Variants in TPR observed in about 807,000 individuals in gnomAD.
TPR encodes the protein nucleoprotein TPR.
In TPR, 51 loss-of-function variants were observed where a neutral mutation model predicts 316.1. That is an observed-to-expected ratio of 0.16 (90% CI 0.13 to 0.20). The LOEUF (loss-of-function observed/expected upper bound fraction) is 0.20, where lower values mean the gene tolerates loss of function less well. TPR is among the 10% of genes least tolerant of loss of function. The probability of loss-of-function intolerance (pLI) is 1.00; values close to 1 mark genes in which losing one functional copy is unlikely to be tolerated. For missense variants in TPR, 2,272 were observed against 2,754.8 expected, an observed-to-expected ratio of 0.82 and a Z score of 3.92; for synonymous variants, 981 against 914.7, an observed-to-expected ratio of 1.07 and a Z score of -1.31.
Position 186,358,643 on chromosome 1 carries a change from T to G in TPR, c.1397A>C (p.Gln466Pro), listed in dbSNP as rs1659095790. The G allele has an allele frequency of 6.2e-7, 1 of 1,611,280 alleles. No individual in the cohort carries two copies. Among genetic ancestry groups the G allele is most frequent in the African/African-American group, 1.3e-5 (1 of 74,910 alleles). The change falls in exon 13 of 51, where the codon CAG becomes CCG. Residue 466 changes from glutamine (Q) to proline (P), a missense_variant. By Grantham distance (76) the Gln-to-Pro change is moderately conservative (BLOSUM62 -1). Transcript: ENST00000367478. ...VKLEQAMKEI[Q>P]RLQEDTDKAN... ...TTTATCAGTGTCCTCCTGCAATCGC[T>G]GAATCTCCTTTAAAATGTAAATTCA...
Position 186,336,621 on chromosome 1 carries a change from C to T in TPR, c.4580G>A (p.Arg1527Gln), listed in dbSNP as rs758344671. The T allele has an allele frequency of 1.2e-5, 19 of 1,613,702 alleles. No homozygotes were observed. The highest frequency in any genetic ancestry group is 2.2e-5 in the East Asian group (1 of 44,876). Residue 1527 changes from arginine to glutamine, a missense_variant, in exon 33 of 51, where the codon CGA (arginine) becomes CAA (glutamine). Around this residue, in one of 10 missense-constraint regions of TPR, gnomAD observed 101 missense variants for 113.0 expected, o/e 0.89. Transcript: ENST00000367478. ...TCTATCTTGAAGATCCTGACGAAGT[C>T]GTGAAAGTTCAGACTGAAGTTGCAC... ...QTVQLQSELS[R>Q]LRQDLQDRTT...
At chr1:186,332,764 C>T (rs975798805) in intron 37 of TPR, among the ~76,000 whole-genome samples, 2 of 151,966 alleles carry the variant, frequency 1.3e-5, no homozygotes, top group Non-Finnish European at 2.9e-5. Context: ...GTCTTTTAGT[C>T]CTCAGGACTT....
intron 12 of TPR, among the ~76,000 whole-genome samples, chr1:186,359,431 CTG>C (rs1659117884): frequency 6.6e-6 from 1 of 151,978 alleles, no homozygotes; most frequent in African/African-American, 2.4e-5. Context: ...GCTATTACAA[CTG>C]TCTGATAAAG....
chr1:186,349,650 ACT>A lies in TPR; in HGVS notation c.2776+571_2776+572del, dbSNP rs138251412. ...ACTCCAACCTGGGCAACAGTGCGAG[ACT>A]CTCTCTCAAAAAAAAAAAAAAAAAT... On this transcript the variant is annotated intron_variant, in intron 21 of 50. Transcript: ENST00000367478. Among the ~76,000 whole-genome samples, 5 of 148,238 alleles carry A rather than the reference ACT, an allele frequency of 3.4e-5. No homozygotes were observed. The East Asian group carries it at 7.8e-4, about 23-fold the overall frequency.
At chr1:186,366,602 C>G (rs1226917877) in intron 4 of TPR, among the ~76,000 whole-genome samples, 1 of 152,016 alleles carries the variant, frequency 6.6e-6, no homozygotes, top group South Asian at 2.1e-4. Context: ...CTTGTTTCTG[C>G]CATAGTTAAT....
Position 186,359,917 on chromosome 1 carries a change from T to C in TPR, c.1271A>G (p.Asp424Gly). Residue 424 changes from aspartate (D) to glycine (G), a missense_variant, in exon 12 of 51, where the codon GAT becomes GGT. Asp to Gly is a moderately conservative substitution (Grantham distance 94). Coordinates refer to ENST00000367478, the MANE Select transcript of TPR (RefSeq NM_003292.3). ...LENKRINKYL[D>G]EIVKEVEAKA... ...GGCTTCCACTTCTTTCACTATTTCA[T>C]CTAGGTACTTATTAATTCTTTTGTT... is the stretch of plus-strand genomic sequence containing the variant. 6.2e-7 allele frequency: 1 copy of C among 1,609,520 alleles called. No homozygotes were observed.
At chr1:186,350,141 G>T (rs1658816762) in intron 21 of TPR, 82 bp downstream of exon 21, 8 of 1,251,104 alleles carry the variant, frequency 6.4e-6, no homozygotes, top group Admixed American at 5.6e-5. Context: ...CAAAGAATTA[G>T]GCTATTTACT....
At position 186,352,111 on chromosome 1, in the gene TPR, C is replaced by A; in HGVS notation, c.2335-1G>T. On this transcript the variant is annotated splice_acceptor_variant, in intron 18 of 50. Transcript: ENST00000367478. LOFTEE classifies it high-confidence loss of function. ...CCTTCTTCAAATTTTCTGCTCTTAC[C>A]TAAACATAAGTAGAAATGAAATAAA... 6.3e-7 allele frequency: 1 copy of A among 1,589,826 alleles called. No homozygotes were observed. The highest frequency in any genetic ancestry group is 8.5e-7 in the Non-Finnish European group (1 of 1,172,444).
rs74134829 is a variant in TPR at position 186,336,359 on chromosome 1, C to T, written c.4705+137G>A. On this transcript the variant is annotated intron_variant, in intron 33 of 50. Coordinates refer to ENST00000367478, the MANE Select transcript of TPR (RefSeq NM_003292.3). Reference sequence around the variant, plus strand: ...TGCTCTTTGTGTCCAACTAATTATTCCTAATATTTAAAGCACACATACACA... The same window carrying T: ...TGCTCTTTGTGTCCAACTAATTATTTCTAATATTTAAAGCACACATACACA... The T allele has an allele frequency of 6.8e-4, 509 of 753,252 alleles. 2 individuals carry two copies. In the African/African-American group the frequency reaches 8.4e-3, roughly 12 times the overall value. The allele number at this position is 753,252 out of a possible 1,614,324, so 46.7% of individuals were successfully genotyped here.
At chr1:186,361,939 T>G (rs759536774) in intron 7 of TPR, 70 bp from the exon 8 acceptor site, 267 of 1,479,630 alleles carry the variant, frequency 1.8e-4, no homozygotes, top group Non-Finnish European at 2.2e-4. Flanking sequence ...AATGACAAGA[T>G]GAAAAATTCC....
chr1:186,336,647 A>T lies in TPR; in HGVS notation c.4554T>A (p.Thr1518=). 1 of 1,613,820 alleles carries T rather than the reference A, an allele frequency of 6.2e-7. No individual in the cohort carries two copies. The highest frequency in any genetic ancestry group is 8.5e-7 in the Non-Finnish European group (1 of 1,179,872). The change falls in exon 33 of 51, where the codon ACT becomes ACA. Residue 1518 remains threonine (T), a synonymous_variant. Transcript: ENST00000367478. Reference sequence around the variant, plus strand: ...GTGAAAGTTCAGACTGAAGTTGCACAGTCTGTTCCTGGAGATTTCTTGCTT... The same window carrying T: ...GTGAAAGTTCAGACTGAAGTTGCACTGTCTGTTCCTGGAGATTTCTTGCTT... ...ETEARNLQEQ[T]VQLQSELSRL...
chr1:186,355,478 T>G lies in TPR; in HGVS notation c.2103A>C (p.Gln701His). Residue 701 changes from glutamine to histidine, a missense_variant, in exon 17 of 51, where the codon CAA (glutamine) becomes CAC (histidine). Coordinates refer to ENST00000367478, the MANE Select transcript of TPR (RefSeq NM_003292.3). ...KIQNEQLEKL[Q>H]EQVTDLRSQN... ...GTGATCGCAAATCTGTAACTTGTTC[T>G]TGAAGTTTCTCAAGCTGCTCATTTT... The G allele has an allele frequency of 6.2e-7, 1 of 1,612,954 alleles. No individual in the cohort carries two copies. The highest frequency in any genetic ancestry group is 8.5e-7 in the Non-Finnish European group (1 of 1,179,830).
intron 24 of TPR, 139 bp from the exon 25 acceptor site, chr1:186,344,717 T>G: frequency 1.6e-6 from 1 of 627,410 alleles, no homozygotes; most frequent in Non-Finnish European, 2.4e-6. Flanking sequence ...AGAAAATAAT[T>G]AAAAGTTAAT....
chr1:186,355,799 T>C (rs777088162), intron 15 of TPR, 31 bp from the exon 16 acceptor site: 38 of 1,606,890 alleles, frequency 2.4e-5, no homozygotes, highest in Admixed American at 5.2e-5. Context: ...ATAAAATGCT[T>C]TGTTGGCTTT....
At chr1:186,362,559 T>C (rs1315544786) in intron 6 of TPR, among the ~76,000 whole-genome samples, 179 bp from the exon 7 acceptor site, 1 of 152,068 alleles carries the variant, frequency 6.6e-6, no homozygotes, top group Non-Finnish European at 1.5e-5. Flanking sequence ...TGTTTAGATT[T>C]AGCTCACAAA....
rs1332712803 is a variant in TPR, at chr1:186,312,003, TTAA to T, written c.*1965_*1967del. The T allele has an allele frequency of 6.2e-5, 37 of 599,676 alleles. No individual in the cohort carries two copies. Among genetic ancestry groups the T allele is most frequent in the East Asian group, 5.7e-4 (20 of 35,356 alleles). The allele number at this position is 599,676 out of a possible 1,614,324, so 37.1% of individuals were successfully genotyped here. A position where few individuals can be genotyped will look rare whatever the true frequency, so the allele number is the denominator to read the frequency against. On this transcript the variant is annotated 3_prime_UTR_variant, in exon 51 of 51. Coordinates refer to ENST00000367478, the MANE Select transcript of TPR (RefSeq NM_003292.3). ...CTATTCATTCAACAAGTATTTCAGT[TTAA>T]TAATTATTTTTATAATACCCTTGAC...
At chr1:186,367,210 T>G (rs894009619) in intron 4 of TPR, among the ~76,000 whole-genome samples, 1 of 151,880 alleles carries the variant, frequency 6.6e-6, no homozygotes, top group African/African-American at 2.4e-5. Flanking sequence ...GGATTACAGG[T>G]GCGTGCCACC....
At chr1:186,318,931 T>TTTA in intron 46 of TPR, 103 bp from the exon 47 acceptor site, 1 of 1,041,052 alleles carries the variant, frequency 9.6e-7, no homozygotes, top group Non-Finnish European at 1.4e-6. Flanking sequence ...GATATACAAC[T>TTTA]TTACTAAAGT....
At position 186,313,569 on chromosome 1, in the gene TPR, T is replaced by A; in HGVS notation, c.*402A>T. On this transcript the variant is annotated 3_prime_UTR_variant, in exon 51 of 51. Transcript: ENST00000367478. ...AAGTTCAAATTAATTAGTAAAAACA[T>A]CTCTATTAAAATGATAAACATTGTC... 1.5e-6 allele frequency: 1 copy of A among 686,288 alleles called. No homozygotes were observed. Among genetic ancestry groups the A allele is most frequent in the Non-Finnish European group, 2.6e-6 (1 of 386,192 alleles). 42.5% of individuals were successfully genotyped at this position (686,288 alleles called of 1,614,324 possible). A position where few individuals can be genotyped will look rare whatever the true frequency, so the allele number is the denominator to read the frequency against.
Sources: gnomAD v4.1 joint callset for allele counts (sites outside exome capture counted in the v4.1 genomes callset) on GRCh38, gnomAD v4.1.1 for gene constraint, gnomAD v4.1.1 regional missense constraint, MANE v1.5 for transcripts, NCBI Gene and HGNC (gene_info 2026-07-23, HGNC 2026-07-21) for gene names.